TMEM135: variants seen among roughly 807,000 people sequenced by gnomAD.
TMEM135 encodes the protein peroxisomal membrane protein 52.
A neutral mutation model predicts 60.3 loss-of-function variants in TMEM135; 30 were observed. The observed-to-expected ratio is 0.50, with a 90% CI of 0.37 to 0.68. TMEM135 has a LOEUF of 0.68. TMEM135 is among the 30% of genes least tolerant of loss of function. TMEM135 has a pLI of 0.00. For synonymous variants in TMEM135, 190 were observed against 186.7 expected (o/e 1.02, Z -0.14); for missense variants, 468 against 548.8 (o/e 0.85, Z 1.47).
intron 5 of TMEM135, among the ~76,000 whole-genome samples, chr11:87,181,604 A>G (rs765798236): frequency 1.3e-5 from 2 of 152,196 alleles, no homozygotes; most frequent in Admixed American, 6.5e-5. Context: ...GGTTGATTAC[A>G]AAGACAGAAT....
chr11:87,284,738 T>A (rs1405859708), intron 6 of TMEM135, among the ~76,000 whole-genome samples: 1 of 152,244 alleles, frequency 6.6e-6, no homozygotes, highest in Non-Finnish European at 1.5e-5. Context: ...ATTGAAGATA[T>A]AATGTGTTCA....
chr11:87,173,862 G>T (rs76713531), intron 5 of TMEM135, among the ~76,000 whole-genome samples: 6,213 of 152,076 alleles, frequency 0.041, 393 homozygotes, highest in African/African-American at 0.14. Flanking sequence ...ATTTGGGTTG[G>T]CATTTGTTGC....
At position 87,225,468 on chromosome 11, in the gene TMEM135, T is replaced by G. The variant is rs886279730; in HGVS notation, c.463-11170T>G. On this transcript the variant is annotated intron_variant, in intron 5 of 14. Transcript: ENST00000305494. ...TGCTGAACTCTGAGATTCTCCTCAC[T>G]CCCTTTTTTACAAGGACAGACACAT... Among the ~76,000 whole-genome samples, 3 of 151,948 alleles carry G rather than the reference T, an allele frequency of 2.0e-5. No homozygotes were observed. The East Asian group carries it at 5.8e-4, about 29-fold the overall frequency.
At chr11:87,055,066 G>A (rs373280884) in intron 1 of TMEM135, among the ~76,000 whole-genome samples, 5 of 152,246 alleles carry the variant, frequency 3.3e-5, no homozygotes, top group Middle Eastern at 3.4e-3. Context: ...AAATAAATAC[G>A]AAATTATCTG....
intron 5 of TMEM135, among the ~76,000 whole-genome samples, chr11:87,220,450 G>C (rs915133226): frequency 2.0e-5 from 3 of 152,158 alleles, no homozygotes; most frequent in Admixed American, 2.0e-4. Context: ...GAGAAGGCCA[G>C]GTCATATCAC....
At chr11:87,227,198 C>G (rs1162561699) in intron 5 of TMEM135, among the ~76,000 whole-genome samples, 1 of 151,768 alleles carries the variant, frequency 6.6e-6, no homozygotes, top group Non-Finnish European at 1.5e-5. Flanking sequence ...AATTCTGAGA[C>G]TTGGCTTATT....
rs557367755 is a variant in TMEM135 at position 87,247,900 on chromosome 11, A to G, written c.509+11216A>G. On this transcript the variant is annotated intron_variant, in intron 6 of 14. Transcript: ENST00000305494. Reference sequence around the variant, plus strand: ...ACTCTCTGGCACTCCCTAGTGAGATAAACCCGGTACCTCAGATGGAAATGC... The same window carrying G: ...ACTCTCTGGCACTCCCTAGTGAGATGAACCCGGTACCTCAGATGGAAATGC... Among the ~76,000 whole-genome samples, 55 of 152,004 alleles carry G rather than the reference A, an allele frequency of 3.6e-4. No individual in the cohort carries two copies. In the South Asian group the frequency reaches 3.7e-3, roughly 10 times the overall value.
At chr11:87,091,047 A>G (rs577778308) in intron 3 of TMEM135, among the ~76,000 whole-genome samples, 2 of 152,056 alleles carry the variant, frequency 1.3e-5, no homozygotes, top group Non-Finnish European at 2.9e-5. Flanking sequence ...TAGCATAAAC[A>G]TAGACTAGTA....
intron 5 of TMEM135, among the ~76,000 whole-genome samples, chr11:87,213,342 T>A (rs923385938): frequency 1.3e-5 from 2 of 152,158 alleles, no homozygotes; most frequent in African/African-American, 4.8e-5. Context: ...ACTGCAACTA[T>A]ACGATTTTGT....
chr11:87,153,098 A>C (rs1366912872), intron 4 of TMEM135, among the ~76,000 whole-genome samples: 2 of 152,196 alleles, frequency 1.3e-5, no homozygotes, highest in Non-Finnish European at 2.9e-5. Flanking sequence ...ATAAATTCTT[A>C]AAATTTATAT....
intron 3 of TMEM135, among the ~76,000 whole-genome samples, chr11:87,085,381 T>C (rs4578415): frequency 0.14 from 21,274 of 152,174 alleles, 1,583 homozygotes; most frequent in Non-Finnish European, 0.16. Context: ...ATAGTAACAG[T>C]ATGTGAAGGC....
At chr11:87,148,011 C>T (rs1938461489) in intron 4 of TMEM135, among the ~76,000 whole-genome samples, 1 of 152,188 alleles carries the variant, frequency 6.6e-6, no homozygotes, top group Non-Finnish European at 1.5e-5. Context: ...CCGCTTCAGT[C>T]TCCCAAAGTG....
chr11:87,108,400 A>G (rs532225839), intron 4 of TMEM135, among the ~76,000 whole-genome samples: 4 of 152,204 alleles, frequency 2.6e-5, no homozygotes, highest in South Asian at 2.1e-4. Context: ...TTTTAGGTCT[A>G]ACATTTAAGT....
intron 5 of TMEM135, among the ~76,000 whole-genome samples, chr11:87,228,161 G>GC (rs1940806557): frequency 6.6e-6 from 1 of 152,126 alleles, no homozygotes; most frequent in South Asian, 2.1e-4. Context: ...GAATATGCCT[G>GC]CATTTCCACC....
intron 1 of TMEM135, among the ~76,000 whole-genome samples, chr11:87,056,148 G>A (rs2135121864): frequency 6.6e-6 from 1 of 152,256 alleles, no homozygotes; most frequent in East Asian, 1.9e-4. Flanking sequence ...GCAAAATTAG[G>A]AATGCCTTTG....
chr11:87,272,674 C>A (rs1355289601), intron 6 of TMEM135, among the ~76,000 whole-genome samples: 2 of 151,986 alleles, frequency 1.3e-5, no homozygotes, highest in African/African-American at 4.8e-5. Context: ...TGTTGCTGGG[C>A]TGGTCTTGAA....
chr11:87,195,369 CCT>C lies in TMEM135; in HGVS notation c.462+37964_462+37965del, dbSNP rs1565482137. Reference sequence around the variant, plus strand: ...TCCTTCCTTCCTTCCTTCCTTCCTTCCTTCCTTCCTTCCTTCCTTCCTTCTCT... The same window carrying C: ...TCCTTCCTTCCTTCCTTCCTTCCTTCTCCTTCCTTCCTTCCTTCCTTCTCT... On this transcript the variant is annotated intron_variant, in intron 5 of 14. Coordinates refer to ENST00000305494, the MANE Select transcript of TMEM135 (RefSeq NM_022918.4). 1.1e-3 allele frequency among the ~76,000 whole-genome samples: 134 copies of C among 122,784 alleles called. 2 individuals carry two copies. Among genetic ancestry groups the C allele is most frequent in the African/African-American group, 1.1e-3 (38 of 33,112 alleles). 80.6% of individuals were successfully genotyped at this position (122,784 alleles called of 152,430 possible).
intron 1 of TMEM135, among the ~76,000 whole-genome samples, chr11:87,062,240 G>A (rs1046012126): frequency 6.6e-6 from 1 of 151,886 alleles, no homozygotes; most frequent in Non-Finnish European, 1.5e-5. Flanking sequence ...TCCTGATCTC[G>A]TGATCCGCCC....
At chr11:87,215,143 TTAAC>T (rs1427351696) in intron 5 of TMEM135, among the ~76,000 whole-genome samples, 8 of 152,306 alleles carry the variant, frequency 5.3e-5, no homozygotes, top group African/African-American at 1.9e-4. Flanking sequence ...TCATTTATTA[TTAAC>T]TATTACTAAT....
Sources: allele counts gnomAD v4.1 joint callset (sites outside exome capture counted in the v4.1 genomes callset), GRCh38; gene constraint gnomAD v4.1.1; transcripts MANE v1.5; gene names NCBI Gene and HGNC (gene_info 2026-07-23, HGNC 2026-07-21).